The following PRMT7 variants were observed in gnomAD, a reference collection of about 807,000 sequenced individuals.
The protein encoded by PRMT7 is protein arginine N-methyltransferase 7.
Under a neutral mutation model 85.4 loss-of-function variants are expected in PRMT7, and 75 were observed. The observed-to-expected ratio is 0.88, with a 90% confidence interval of 0.73 to 1.06. PRMT7 has a LOEUF of 1.06. PRMT7 is among the 50% of genes least tolerant of loss of function. PRMT7 has a pLI of 0.00. For missense variants in PRMT7, 868 were observed against 915.2 expected, an observed-to-expected ratio of 0.95 and a Z score of 0.67; for synonymous variants, 397 against 359.5, an observed-to-expected ratio of 1.10 and a Z score of -1.18.
Position 68,346,234 on chromosome 16 carries a change from T to G in PRMT7, c.1145T>G (p.Ile382Ser), listed in dbSNP as rs1471245442. The change falls in exon 11 of 19, where the codon ATC (isoleucine) becomes AGC (serine). Residue 382 changes from isoleucine (I) to serine (S), a missense_variant. Coordinates refer to ENST00000441236, the MANE Select transcript of PRMT7 (RefSeq NM_019023.5). ...TGGAACCGGCCTCGGTTTGGAGAGA[T>G]CAATGACCAGGACAGAACTGATCGA... ...LLWNRPRFGEINDQDRTDRYV... is the reference protein window; with the variant it reads ...LLWNRPRFGESNDQDRTDRYV... 2.5e-6 allele frequency: 4 copies of G among 1,614,162 alleles called. No homozygotes were observed. The South Asian group carries it at 4.4e-5, about 18-fold the overall frequency.
Position 68,357,506 on chromosome 16 carries a change from G to A in PRMT7, c.*282G>A. 2.7e-6 allele frequency: 1 copy of A among 370,474 alleles called. No individual in the cohort carries two copies. Among genetic ancestry groups the A allele is most frequent in the Non-Finnish European group, 4.9e-6 (1 of 205,928 alleles). 22.9% of individuals were successfully genotyped at this position (370,474 alleles called of 1,614,324 possible). A position where few individuals can be genotyped will look rare whatever the true frequency, so the allele number is the denominator to read the frequency against. Reference sequence around the variant, plus strand: ...GGTGCTGAGAATGCTCCAACACAGAGACATCTCTCCCCAGCTGGGAAGGGA... The same window carrying A: ...GGTGCTGAGAATGCTCCAACACAGAAACATCTCTCCCCAGCTGGGAAGGGA... On this transcript the variant is annotated 3_prime_UTR_variant, in exon 19 of 19. Coordinates refer to ENST00000441236, the MANE Select transcript of PRMT7 (RefSeq NM_019023.5).
At chr16:68,322,735 AAAAT>A (rs763153045) in intron 4 of PRMT7, among the ~76,000 whole-genome samples, 3 of 152,000 alleles carry the variant, frequency 2.0e-5, no homozygotes, top group Non-Finnish European at 4.4e-5. Flanking sequence ...TTTAACTTAA[AAAAT>A]AAATAAAACA....
intron 3 of PRMT7, among the ~76,000 whole-genome samples, chr16:68,320,420 G>A (rs1468050063): frequency 6.6e-6 from 1 of 152,210 alleles, no homozygotes. Context: ...GATAAGCATT[G>A]TTCCTATAGA....
intron 9 of PRMT7, among the ~76,000 whole-genome samples, chr16:68,345,046 T>G (rs1027459348): frequency 2.0e-5 from 3 of 151,780 alleles, no homozygotes; most frequent in Non-Finnish European, 4.4e-5. Context: ...CTTCAACACT[T>G]ATCTCCCAAG....
At chr16:68,312,626 CCTT>C (rs1451320889) in intron 2 of PRMT7, among the ~76,000 whole-genome samples, 1 of 152,134 alleles carries the variant, frequency 6.6e-6, no homozygotes, top group African/African-American at 2.4e-5. Context: ...TCTATTTCCT[CCTT>C]GTAAATGGCC....
intron 5 of PRMT7, among the ~76,000 whole-genome samples, chr16:68,326,551 C>T (rs7200049): frequency 0.78 from 118,839 of 152,202 alleles, 47,217 homozygotes; most frequent in African/African-American, 0.94. Context: ...CTGCCTTGTT[C>T]CTCTTTTTTA....
intron 5 of PRMT7, among the ~76,000 whole-genome samples, chr16:68,325,980 A>C (rs1464596113): frequency 6.6e-6 from 1 of 152,224 alleles, no homozygotes; most frequent in Non-Finnish European, 1.5e-5. Flanking sequence ...TTAATAAAAC[A>C]TTAAACAGCT....
chr16:68,344,189 G>A (rs2085968247), intron 9 of PRMT7, among the ~76,000 whole-genome samples: 1 of 152,124 alleles, frequency 6.6e-6, no homozygotes, highest in South Asian at 2.1e-4. Context: ...GGCTGGTCCC[G>A]TACACCTGGC....
chr16:68,356,751 C>T lies in PRMT7; in HGVS notation c.1862C>T (p.Pro621Leu), dbSNP rs529555935. Reference protein sequence around the residue: ...AVLWMEYHLTPECTLSTGLLE... With the variant: ...AVLWMEYHLTLECTLSTGLLE... ...CTATGGATGGAGTACCACCTGACCC[C>T]GGAGTGCACGCTCAGCACTGGCCTC... Residue 621 changes from proline (P) to leucine (L), a missense_variant, in exon 18 of 19, where the codon CCG becomes CTG. Transcript: ENST00000441236. 1.3e-5 allele frequency: 21 copies of T among 1,611,316 alleles called. No individual in the cohort carries two copies. The Admixed American group carries it at 1.7e-4, about 13-fold the overall frequency.
At chr16:68,318,414 T>C (rs2036183917) in intron 3 of PRMT7, among the ~76,000 whole-genome samples, 1 of 152,200 alleles carries the variant, frequency 6.6e-6, no homozygotes, top group Admixed American at 6.5e-5. Flanking sequence ...TTAGCCAGGA[T>C]GATCTTGATC....
intron 3 of PRMT7, 190 bp downstream of exon 3, chr16:68,316,264 G>A (rs974000939): frequency 3.4e-5 from 19 of 561,244 alleles, no homozygotes; most frequent in Admixed American, 1.6e-4. Flanking sequence ...ATGCCTGTTT[G>A]GAGAGTCAGA....
chr16:68,347,539 T>A, intron 12 of PRMT7, 92 bp from the exon 13 acceptor site: 3 of 1,394,356 alleles, frequency 2.2e-6, no homozygotes, highest in Non-Finnish European at 3.0e-6. Flanking sequence ...AGGTGTGTCC[T>A]CTGTCTTAGG....
chr16:68,329,027 A>G (rs1454552371), intron 5 of PRMT7, 39 bp from the exon 6 acceptor site: 1 of 1,421,412 alleles, frequency 7.0e-7, no homozygotes, highest in Admixed American at 1.7e-5. Flanking sequence ...TGTTTAATTT[A>G]TTGCTCATTT....
intron 2 of PRMT7, among the ~76,000 whole-genome samples, chr16:68,313,545 C>T (rs2044258941): frequency 6.6e-6 from 1 of 152,170 alleles, no homozygotes; most frequent in African/African-American, 2.4e-5. Flanking sequence ...CCCTCCTTCT[C>T]CTCCTGCCTC....
intron 11 of PRMT7, 45 bp from the exon 12 acceptor site, chr16:68,347,166 G>A (rs1341437508): frequency 2.6e-6 from 4 of 1,531,756 alleles, no homozygotes; most frequent in Middle Eastern, 3.4e-4. Context: ...GAATCTTCTG[G>A]CAAACTGGAG....
chr16:68,318,050 G>A (rs1227398452), intron 3 of PRMT7, among the ~76,000 whole-genome samples: 1 of 152,072 alleles, frequency 6.6e-6, no homozygotes, highest in Non-Finnish European at 1.5e-5. Flanking sequence ...TCTTGGCCAA[G>A]TTACTTCTCT....
At chr16:68,355,698 C>G in intron 16 of PRMT7, 25 bp from the exon 17 acceptor site, 2 of 1,511,962 alleles carry the variant, frequency 1.3e-6, no homozygotes, top group Non-Finnish European at 1.8e-6. Context: ...GTCTCTGCAG[C>G]CCCCAGGCCC....
chr16:68,344,040 T>C (rs1305807660), intron 9 of PRMT7, among the ~76,000 whole-genome samples: 1 of 152,230 alleles, frequency 6.6e-6, no homozygotes, highest in Non-Finnish European at 1.5e-5. Flanking sequence ...ACCTCTTAGC[T>C]CACTGCAACT....
intron 3 of PRMT7, among the ~76,000 whole-genome samples, chr16:68,318,392 G>A (rs1045148690): frequency 1.3e-5 from 2 of 151,914 alleles, no homozygotes; most frequent in African/African-American, 4.8e-5. Flanking sequence ...ATAGAGACGG[G>A]GTTTCACCGT....
Sources: allele counts gnomAD v4.1 joint callset (sites outside exome capture counted in the v4.1 genomes callset), GRCh38; gene constraint gnomAD v4.1.1; transcripts MANE v1.5; gene names NCBI Gene and HGNC (gene_info 2026-07-23, HGNC 2026-07-21).